Variants in CCDC7 observed in about 807,000 individuals in gnomAD.
CCDC7 encodes the protein coiled-coil domain containing 7.
CCDC7 carries 183 observed loss-of-function variants against 196.9 expected under a neutral mutation model. The ratio of observed to expected loss-of-function variants is 0.93; its 90% CI spans 0.82 to 1.05. The LOEUF is 1.05. CCDC7 is among the 50% of genes least tolerant of loss of function. The pLI, the probability that CCDC7 is intolerant of heterozygous loss-of-function variation, is 0.00. For synonymous variants in CCDC7, 525 were observed against 484.6 expected (o/e 1.08, Z -1.10); for missense variants, 1,540 against 1,482.2 (o/e 1.04, Z -0.64).
chr10:32,746,848 G>A (rs1026144907), intron 28 of CCDC7, among the ~76,000 whole-genome samples: 1 of 152,220 alleles, frequency 6.6e-6, no homozygotes, highest in Non-Finnish European at 1.5e-5. Flanking sequence ...GCACATGGAT[G>A]CCATCAGGCC....
chr10:32,822,284 T>TA (rs1565614640), intron 31 of CCDC7, among the ~76,000 whole-genome samples: 1 of 152,156 alleles, frequency 6.6e-6, no homozygotes, highest in Non-Finnish European at 1.5e-5. Flanking sequence ...GACAACTGTA[T>TA]AAAAAATTTA....
At chr10:32,474,587 A>C (rs2038634477) in intron 8 of CCDC7, among the ~76,000 whole-genome samples, 1 of 151,966 alleles carries the variant, frequency 6.6e-6, no homozygotes, top group Non-Finnish European at 1.5e-5. Context: ...GAGAATTTTG[A>C]GTTGTGATTA....
intron 20 of CCDC7, among the ~76,000 whole-genome samples, chr10:32,660,282 C>A (rs1009120719): frequency 2.9e-5 from 4 of 137,604 alleles, no homozygotes; most frequent in Admixed American, 1.5e-4. Flanking sequence ...CGCCTCCCCC[C>A]ACCCCACAAC....
Position 32,654,143 on chromosome 10 carries a change from C to A in CCDC7, c.2015-9911C>A, listed in dbSNP as rs56827458. Among the ~76,000 whole-genome samples, 3 of 152,250 alleles carry A rather than the reference C, an allele frequency of 2.0e-5. No homozygotes were observed. The East Asian group carries it at 5.8e-4, about 29-fold the overall frequency. ...ATTTCAGTTATTGTGGTTTTCAACT[C>A]CAGAATTTCTATTTGGTTACTTCGG... is the stretch of plus-strand genomic sequence containing the variant. On this transcript the variant is annotated intron_variant, in intron 20 of 41. Transcript: ENST00000639629.
chr10:32,666,280 C>A (rs554835819), intron 21 of CCDC7, among the ~76,000 whole-genome samples: 1 of 151,726 alleles, frequency 6.6e-6, no homozygotes, highest in Non-Finnish European at 1.5e-5. Flanking sequence ...AAATAGCTAT[C>A]ATTTACTGAA....
At chr10:32,640,087 G>A (rs2066445355) in intron 20 of CCDC7, among the ~76,000 whole-genome samples, 1 of 152,102 alleles carries the variant, frequency 6.6e-6, no homozygotes, top group Non-Finnish European at 1.5e-5. Flanking sequence ...TTCAGTTCCT[G>A]GATATCCTTG....
chr10:32,791,740 T>A lies in CCDC7; in HGVS notation c.3013+12656T>A, dbSNP rs532566196. 5.3e-5 allele frequency among the ~76,000 whole-genome samples: 8 copies of A among 151,932 alleles called. 1 individual carries two copies. Among genetic ancestry groups the A allele is most frequent in the Admixed American group, 5.2e-4 (8 of 15,254 alleles). The stretch of plus-strand genomic sequence containing the variant: ...AAAGGACTTATGAGACATCATTAGG[T>A]TAGCAAACATTGACATTACAGGTAT... On this transcript the variant is annotated intron_variant, in intron 29 of 41. Transcript: ENST00000639629.
intron 32 of CCDC7, among the ~76,000 whole-genome samples, chr10:32,828,467 G>GAAGAAGAAGAA (rs1555179415): frequency 2.7e-3 from 131 of 48,798 alleles, no homozygotes; most frequent in East Asian, 0.016. Context: ...AAGAAGAAGA[G>GAAGAAGAAGAA]GAAGAGGAAG....
downstream of CCDC7, among the ~76,000 whole-genome samples, chr10:32,881,353 G>C (rs952576030): frequency 2.0e-5 from 3 of 152,058 alleles, no homozygotes; most frequent in Non-Finnish European, 4.4e-5. Flanking sequence ...ATTTTAATAG[G>C]TTGTGGGCAT....
intron 8 of CCDC7, among the ~76,000 whole-genome samples, chr10:32,487,109 C>T (rs1042302670): frequency 4.6e-5 from 7 of 152,132 alleles, no homozygotes; most frequent in African/African-American, 1.7e-4. Context: ...TTCCATTCTC[C>T]CCATCACTTT....
intron 31 of CCDC7, among the ~76,000 whole-genome samples, chr10:32,823,821 C>T (rs1469009433): frequency 6.6e-6 from 1 of 152,156 alleles, no homozygotes; most frequent in Non-Finnish European, 1.5e-5. Flanking sequence ...AAAAGGAATA[C>T]AATCCTAAGG....
chr10:32,574,127 T>G (rs2057906736), intron 16 of CCDC7, among the ~76,000 whole-genome samples: 1 of 151,906 alleles, frequency 6.6e-6, no homozygotes, highest in East Asian at 1.9e-4. Flanking sequence ...GACAGAACTT[T>G]GCTTTGAGGC....
chr10:32,800,308 G>T (rs896618215), intron 29 of CCDC7, among the ~76,000 whole-genome samples: 3 of 152,100 alleles, frequency 2.0e-5, no homozygotes, highest in African/African-American at 7.2e-5. Flanking sequence ...GCTTCCATTT[G>T]GCCTTTCCCA....
At chr10:32,615,993 T>C (rs1053414783) in intron 18 of CCDC7, among the ~76,000 whole-genome samples, 1 of 151,880 alleles carries the variant, frequency 6.6e-6, no homozygotes, top group African/African-American at 2.4e-5. Flanking sequence ...GGTATATTGT[T>C]CTTTATTCTC....
At chr10:32,629,450 G>C (rs1362397635) in intron 18 of CCDC7, among the ~76,000 whole-genome samples, 5 of 152,048 alleles carry the variant, frequency 3.3e-5, no homozygotes, top group Non-Finnish European at 4.4e-5. Flanking sequence ...TGATTTGAGA[G>C]TCAGTTTATT....
chr10:32,496,875 G>C (rs1248573929), intron 9 of CCDC7, among the ~76,000 whole-genome samples: 1 of 152,152 alleles, frequency 6.6e-6, no homozygotes, highest in Non-Finnish European at 1.5e-5. Flanking sequence ...GTCTCTGCCA[G>C]GTCTTGGTAT....
chr10:32,659,770 T>C (rs1316410264), intron 20 of CCDC7, among the ~76,000 whole-genome samples: 1 of 152,076 alleles, frequency 6.6e-6, no homozygotes, highest in African/African-American at 2.4e-5. Flanking sequence ...ATGAAAACCA[T>C]GAGATGCCGT....
At chr10:32,548,366 T>A (rs1488151094) in intron 13 of CCDC7, among the ~76,000 whole-genome samples, 1 of 152,146 alleles carries the variant, frequency 6.6e-6, no homozygotes, top group Non-Finnish European at 1.5e-5. Flanking sequence ...TCAGAGCAGG[T>A]GACCAGGGTG....
At chr10:32,627,077 A>G (rs1363339032) in intron 18 of CCDC7, among the ~76,000 whole-genome samples, 1 of 149,064 alleles carries the variant, frequency 6.7e-6, no homozygotes. Flanking sequence ...AAATTTTTCT[A>G]TGTCTGTGAA....
Sources: allele counts gnomAD v4.1 joint callset (sites outside exome capture counted in the v4.1 genomes callset), GRCh38; gene constraint gnomAD v4.1.1; transcripts MANE v1.5; gene names NCBI Gene and HGNC (gene_info 2026-07-23, HGNC 2026-07-21).